HERC2: variants seen among roughly 807,000 people sequenced by gnomAD.
HERC2 encodes the protein E3 ubiquitin-protein ligase HERC2.
HERC2 carries 102 observed loss-of-function variants against 537.7 expected under a neutral mutation model. That is an observed-to-expected ratio of 0.19 (90% CI 0.16 to 0.22). The LOEUF (loss-of-function observed/expected upper bound fraction) is 0.22, where lower values mean the gene tolerates loss of function less well. Ranked by LOEUF, HERC2 falls within the 10% of genes least tolerant of loss-of-function variation. The pLI is 1.00. For missense variants in HERC2, 4,236 were observed against 6,198.2 expected (o/e 0.68, Z 10.63); for synonymous variants, 2,224 against 2,466.2 (o/e 0.90, Z 2.91).
In HERC2 at chr15:28,122,445, C is replaced by T. The variant is rs1321838801; in HGVS notation, c.13189-1016G>A. 6.6e-6 allele frequency among the ~76,000 whole-genome samples: 1 copy of T among 152,168 alleles called. No homozygotes were observed. The highest frequency in any genetic ancestry group is 1.5e-5 in the Non-Finnish European group (1 of 68,022). On this transcript the variant is annotated intron_variant, in intron 85 of 92. Transcript: ENST00000261609. This position sits in a 1 kb window ranked among gnomAD's most constrained non-coding sequence, Gnocchi z 4.1. ...AGCTCAAAGCCTAAGAACTCCAAGC[C>T]CTGAAGGCAGGAGGTGAGGGCCCCA...
intron 2 of HERC2, among the ~76,000 whole-genome samples, chr15:28,300,027 G>C (rs2076576971): frequency 1.4e-5 from 2 of 144,148 alleles, no homozygotes; most frequent in African/African-American, 5.1e-5. Context: ...CACTCAGCCT[G>C]AGTGACAAGA....
Position 28,274,280 on chromosome 15 carries a change from A to G in HERC2, c.800+11T>C, listed in dbSNP as rs764850465. On this transcript the variant is annotated intron_variant, in intron 7 of 92. Transcript: ENST00000261609. ...GTCTGCGTGCAGAAGGCAAGAAAGG[A>G]AAGAACTCACCCCGTCACGACGGAC... is the stretch of plus-strand genomic sequence containing the variant. The G allele has an allele frequency of 6.8e-6, 11 of 1,613,874 alleles. No individual in the cohort carries two copies. Among genetic ancestry groups the G allele is most frequent in the Admixed American group, 1.7e-5 (1 of 60,006 alleles).
chr15:28,294,126 A>G (rs954385836), intron 3 of HERC2, among the ~76,000 whole-genome samples: 4 of 152,268 alleles, frequency 2.6e-5, no homozygotes, highest in Non-Finnish European at 5.9e-5. Flanking sequence ...TTTTGCACCA[A>G]GTAATTCTCC....
chr15:28,146,084 A>G (rs1413985991), intron 71 of HERC2, among the ~76,000 whole-genome samples, 153 bp downstream of exon 71: 1 of 152,162 alleles, frequency 6.6e-6, no homozygotes. Context: ...AGGCAAGCAA[A>G]CCCACTGTGT....
intron 2 of HERC2, among the ~76,000 whole-genome samples, chr15:28,318,398 G>A (rs1411055699): frequency 3.4e-4 from 51 of 152,234 alleles, no homozygotes; most frequent in Non-Finnish European, 1.0e-4. Context: ...AGGCCGAGAC[G>A]GGTGGATCAC....
chr15:28,269,116 A>C, intron 11 of HERC2, 132 bp downstream of exon 11: 1 of 672,036 alleles, frequency 1.5e-6, no homozygotes, highest in Non-Finnish European at 2.5e-6. Context: ...CATTAAACAT[A>C]ATATACAATA....
At position 28,165,865 on chromosome 15, in the gene HERC2, C is replaced by T. The variant is rs112402788; in HGVS notation, c.10554+1822G>A. The stretch of plus-strand genomic sequence containing the variant: ...TGTTACACACACACATATTCATTCT[C>T]TAGCCCTGTCACCCAAACAGCAACA... On this transcript the variant is annotated intron_variant, in intron 68 of 92. Coordinates refer to ENST00000261609, the MANE Select transcript of HERC2 (RefSeq NM_004667.6). Among the ~76,000 whole-genome samples, 624 of 152,250 alleles carry T rather than the reference C, an allele frequency of 4.1e-3. 4 individuals carry two copies. Among genetic ancestry groups the T allele is most frequent in the African/African-American group, 0.014 (594 of 41,548 alleles).
At chr15:28,314,187 G>A (rs1441126730) in intron 2 of HERC2, among the ~76,000 whole-genome samples, 2 of 151,450 alleles carry the variant, frequency 1.3e-5, no homozygotes, top group South Asian at 2.1e-4. Flanking sequence ...ATATAATAAT[G>A]ACAAAGATAC....
At chr15:28,203,249 C>T (rs1314964805) in intron 45 of HERC2, 2 of 131,664 alleles carry the variant, frequency 1.5e-5, no homozygotes, top group Admixed American at 8.0e-5. Context: ...TCTGTAACTC[C>T]CTGGTCCTCC....
At chr15:28,293,141 CG>C in intron 3 of HERC2, 119 bp from the exon 4 acceptor site, 5 of 837,922 alleles carry the variant, frequency 6.0e-6, no homozygotes, top group Non-Finnish European at 9.4e-6. Context: ...TGTTGGACAA[CG>C]TAAAAATAAA....
chr15:28,250,434 G>A (rs1281761679), intron 20 of HERC2, among the ~76,000 whole-genome samples: 4 of 151,948 alleles, frequency 2.6e-5, no homozygotes, highest in Non-Finnish European at 4.4e-5. Flanking sequence ...AGCAAGAGAC[G>A]GTAATACAAT....
chr15:28,204,984 C>T (rs1424715413), intron 45 of HERC2, among the ~76,000 whole-genome samples: 1 of 151,964 alleles, frequency 6.6e-6, no homozygotes, highest in Non-Finnish European at 1.5e-5. Context: ...AAAAATCAAG[C>T]CAAAGATGCA....
In HERC2 at chr15:28,130,272, A is replaced by G; in HGVS notation, c.12693T>C (p.His4231=). 6.2e-7 allele frequency: 1 copy of G among 1,614,168 alleles called. No homozygotes were observed. The highest frequency in any genetic ancestry group is 8.5e-7 in the Non-Finnish European group (1 of 1,180,026). ...WGKGDYHRLG[H]GSDDHVRRPR... ...GCCTTCGAACATGGTCATCTGATCC[A>G]TGGCCCAACCTGTGATAATCGCCTT... The change falls in exon 83 of 93, where the codon CAT becomes CAC. Residue 4231 remains histidine (H), a synonymous_variant. Coordinates refer to ENST00000261609, the MANE Select transcript of HERC2 (RefSeq NM_004667.6).
In HERC2 at chr15:28,297,553, T is replaced by TA. The variant is rs573402569; in HGVS notation, c.187+1848dup. 4.9e-4 allele frequency among the ~76,000 whole-genome samples: 73 copies of TA among 148,302 alleles called. No individual in the cohort carries two copies. In the East Asian group the frequency reaches 5.1e-3, roughly 10 times the overall value. ...TTAAATATAAACCCATTATGTTGTTTAAAAAAAAAAACATGAAAATCAAAA... is the reference window on the plus strand; with the variant it reads ...TTAAATATAAACCCATTATGTTGTTTAAAAAAAAAAAACATGAAAATCAAAA... On this transcript the variant is annotated intron_variant, in intron 3 of 92. Transcript: ENST00000261609.
At chr15:28,308,982 C>A (rs1429319183) in intron 2 of HERC2, among the ~76,000 whole-genome samples, 1 of 152,228 alleles carries the variant, frequency 6.6e-6, no homozygotes, top group African/African-American at 2.4e-5. Flanking sequence ...CAATATTCAT[C>A]AGAGACATTG....
intron 69 of HERC2, among the ~76,000 whole-genome samples, chr15:28,155,916 A>T (rs1892963882): frequency 6.6e-6 from 1 of 152,060 alleles, no homozygotes; most frequent in Non-Finnish European, 1.5e-5. Flanking sequence ...TAAGTCTTTA[A>T]CCCATCTTGA....
At chr15:28,135,341 TG>T (rs758495414) in intron 79 of HERC2, 136 bp downstream of exon 79, 7 of 703,294 alleles carry the variant, frequency 1.0e-5, no homozygotes, top group Non-Finnish European at 1.7e-5. Context: ...TTCTGCCAAA[TG>T]AGTCATTAAC....
intron 89 of HERC2, 90 bp downstream of exon 89, chr15:28,115,339 G>A: frequency 1.3e-6 from 1 of 766,396 alleles, no homozygotes; most frequent in Non-Finnish European, 2.1e-6. Flanking sequence ...CTGAGATTAG[G>A]CCAGAGTTCA....
At chr15:28,148,204 C>T (rs1336404162) in intron 70 of HERC2, among the ~76,000 whole-genome samples, 1 of 151,996 alleles carries the variant, frequency 6.6e-6, no homozygotes, top group Non-Finnish European at 1.5e-5. Flanking sequence ...CCACATAAAT[C>T]AGACTTACAA....
Sources: allele counts gnomAD v4.1 joint callset (sites outside exome capture counted in the v4.1 genomes callset), GRCh38; gene constraint gnomAD v4.1.1; non-coding constraint Gnocchi (gnomAD v3.1); transcripts MANE v1.5; gene names NCBI Gene and HGNC (gene_info 2026-07-23, HGNC 2026-07-21).